The following VAV2 variants were observed in gnomAD, a reference collection of about 807,000 sequenced individuals.
VAV2 encodes vav guanine nucleotide exchange factor 2, also known as guanine nucleotide exchange factor VAV2.
A neutral mutation model predicts 132.5 loss-of-function variants in VAV2; 67 were observed. The ratio of observed to expected loss-of-function variants is 0.51; its 90% CI spans 0.42 to 0.62. The LOEUF is 0.62. Among genes scored for constraint, VAV2 ranks in the 20% least tolerant of loss-of-function variants. VAV2 has a pLI of 0.00. For synonymous variants in VAV2, 492 were observed against 443.5 expected, an observed-to-expected ratio of 1.11 and a Z score of -1.37; for missense variants, 938 against 1,153.6, an observed-to-expected ratio of 0.81 and a Z score of 2.71.
intron 1 of VAV2, among the ~76,000 whole-genome samples, chr9:133,980,210 T>C (rs892859197): frequency 6.6e-6 from 1 of 152,018 alleles, no homozygotes; most frequent in Admixed American, 6.6e-5. Context: ...ATTTTGCCGG[T>C]GGAGGGGGGA....
At chr9:133,960,919 G>A (rs1037236857) in intron 1 of VAV2, among the ~76,000 whole-genome samples, 8 of 152,216 alleles carry the variant, frequency 5.3e-5, no homozygotes, top group African/African-American at 9.6e-5. Context: ...AAGGGTGCTC[G>A]AGCCGGCCTT....
intron 2 of VAV2, among the ~76,000 whole-genome samples, chr9:133,873,048 G>A (rs542782888): frequency 1.3e-3 from 195 of 147,624 alleles, no homozygotes; most frequent in Non-Finnish European, 2.1e-3. Context: ...AGGAGGCGGA[G>A]GTTGCAGTGA....
At position 133,831,885 on chromosome 9, in the gene VAV2, G is replaced by A. The variant is rs189634572; in HGVS notation, c.449+2387C>T. Reference sequence around the variant, plus strand: ...CTGCCACTTACTAGCTGGGTGACATGGGCCAGTGGTGTCCCCTCTCTGGAC... The same window carrying A: ...CTGCCACTTACTAGCTGGGTGACATAGGCCAGTGGTGTCCCCTCTCTGGAC... On this transcript the variant is annotated intron_variant, in intron 4 of 29. Transcript: ENST00000371850. Among the ~76,000 whole-genome samples the A allele has an allele frequency of 3.9e-5, 6 of 152,318 alleles. No homozygotes were observed. The East Asian group carries it at 1.2e-3, about 29-fold the overall frequency.
Position 133,912,906 on chromosome 9 carries a change from G to T in VAV2, c.321+26197C>A, listed in dbSNP as rs759087254. ...CAGAATCAGGGCTCCTGATCCTGGT[G>T]ACTTTAAGGAGGAAAATCCAACTTC... is the stretch of plus-strand genomic sequence containing the variant. On this transcript the variant is annotated intron_variant, in intron 2 of 29. Transcript: ENST00000371850. The surrounding 1 kb of genome is among the most constrained non-coding windows in gnomAD (Gnocchi z 4.3). 2.0e-5 allele frequency among the ~76,000 whole-genome samples: 3 copies of T among 152,198 alleles called. No individual in the cohort carries two copies. The highest frequency in any genetic ancestry group is 4.4e-5 in the Non-Finnish European group (3 of 68,044).
rs527636231 is a variant in VAV2, at chr9:133,939,813, A to T, written c.205-594T>A. 2.6e-5 allele frequency among the ~76,000 whole-genome samples: 4 copies of T among 152,378 alleles called. No homozygotes were observed. The South Asian group carries it at 6.2e-4, about 24-fold the overall frequency. ...CAACAGCCAGGGGCCACCCCCAAGA[A>T]GCCACGGAGGACCCAGAGAGTGGCA... On this transcript the variant is annotated intron_variant, in intron 1 of 29. Coordinates refer to ENST00000371850, the MANE Select transcript of VAV2 (RefSeq NM_001134398.2).
intron 3 of VAV2, among the ~76,000 whole-genome samples, chr9:133,838,858 G>T: frequency 7.6e-6 from 1 of 132,170 alleles, no homozygotes; most frequent in South Asian, 2.8e-4. Context: ...TGAATGGGTG[G>T]GTGGGTGGGT....
At chr9:133,921,354 C>A (rs1840290813) in intron 2 of VAV2, among the ~76,000 whole-genome samples, 1 of 152,238 alleles carries the variant, frequency 6.6e-6, no homozygotes, top group African/African-American at 2.4e-5. Flanking sequence ...TGAACGTCCA[C>A]AGGCCAGGTA....
intron 2 of VAV2, among the ~76,000 whole-genome samples, chr9:133,904,501 C>T (rs376051326): frequency 1.3e-3 from 201 of 152,360 alleles, no homozygotes; most frequent in South Asian, 5.6e-3. Context: ...AGGCTCAGGA[C>T]GGCAAATGCA....
intron 29 of VAV2, among the ~76,000 whole-genome samples, chr9:133,764,631 A>C (rs988225366): frequency 5.3e-5 from 8 of 152,238 alleles, no homozygotes; most frequent in Non-Finnish European, 1.5e-5. Flanking sequence ...TGAAATGAAG[A>C]ATCCAATAGA....
chr9:133,881,938 T>C (rs1564432393), intron 2 of VAV2, among the ~76,000 whole-genome samples: 1 of 152,162 alleles, frequency 6.6e-6, no homozygotes, highest in Non-Finnish European at 1.5e-5. Context: ...GATCCCAGCA[T>C]GACGCCTCCT....
In VAV2 at chr9:133,784,459, T is replaced by C. The variant is rs937190517; in HGVS notation, c.1533-41A>G. ...GAGAGCAGATGCTACACCCACTGGA[T>C]TCCCCGAGCCCCACCATGTGGCCAT... On this transcript the variant is annotated intron_variant, in intron 17 of 29. Transcript: ENST00000371850. 4.4e-6 allele frequency: 7 copies of C among 1,608,064 alleles called. No homozygotes were observed. The African/African-American group carries it at 6.7e-5, about 15-fold the overall frequency.
Position 133,955,860 on chromosome 9 carries a change from G to A in VAV2, c.205-16641C>T, listed in dbSNP as rs929208157. Among the ~76,000 whole-genome samples the A allele has an allele frequency of 9.5e-5, 13 of 137,212 alleles. 1 individual carries two copies. The highest frequency in any genetic ancestry group is 5.1e-4 in the South Asian group (2 of 3,930). The allele number at this position is 137,212 out of a possible 152,430, so 90.0% of individuals were successfully genotyped here. A position where few individuals can be genotyped will look rare whatever the true frequency, so the allele number is the denominator to read the frequency against. ...TCTGGCCTCCCCCAGCCCGAGGGGA[G>A]CCCTCTAAACCCTCCAGCTCAGGCT... On this transcript the variant is annotated intron_variant, in intron 1 of 29. Coordinates refer to ENST00000371850, the MANE Select transcript of VAV2 (RefSeq NM_001134398.2).
chr9:133,975,395 G>C (rs1482557952), intron 1 of VAV2, among the ~76,000 whole-genome samples: 2 of 152,156 alleles, frequency 1.3e-5, no homozygotes, highest in Admixed American at 1.3e-4. Flanking sequence ...CTTGGGGTCT[G>C]TTTCTGGGGG....
At chr9:133,795,843 A>G (rs1301296820) in intron 11 of VAV2, 107 bp from the exon 12 acceptor site, 19 of 1,244,714 alleles carry the variant, frequency 1.5e-5, no homozygotes, top group Non-Finnish European at 2.1e-5. Context: ...CCTCAGAAGA[A>G]AGCCACCCCC....
At chr9:133,776,219 G>C in intron 23 of VAV2, 139 bp from the exon 24 acceptor site, 2 of 1,227,210 alleles carry the variant, frequency 1.6e-6, no homozygotes, top group Non-Finnish European at 2.2e-6. Context: ...TAGCCCCAGC[G>C]CCCCTGGCCT....
At chr9:133,880,646 A>G (rs1838454352) in intron 2 of VAV2, among the ~76,000 whole-genome samples, 1 of 152,204 alleles carries the variant, frequency 6.6e-6, no homozygotes, top group South Asian at 2.1e-4. Context: ...GGGGAAACTG[A>G]GGAAGCCAGA....
At chr9:133,916,137 G>A (rs10993855) in intron 2 of VAV2, among the ~76,000 whole-genome samples, 4,766 of 152,316 alleles carry the variant, frequency 0.031, 197 homozygotes, top group African/African-American at 0.092. Context: ...CACAGGCCAC[G>A]GCTGCTCCCC....
chr9:133,822,508 G>A (rs1005791068), intron 4 of VAV2, among the ~76,000 whole-genome samples: 8 of 152,198 alleles, frequency 5.3e-5, no homozygotes, highest in South Asian at 2.1e-4. Context: ...GACAAGAACC[G>A]CTTTACACAT....
At chr9:133,946,388 G>T (rs759535573) in intron 1 of VAV2, among the ~76,000 whole-genome samples, 1 of 152,224 alleles carries the variant, frequency 6.6e-6, no homozygotes, top group African/African-American at 2.4e-5. Context: ...AGCCCTGAAA[G>T]CAACAGGGCA....
Sources: gnomAD v4.1 joint callset for allele counts (sites outside exome capture counted in the v4.1 genomes callset) on GRCh38, gnomAD v4.1.1 for gene constraint, Gnocchi (gnomAD v3.1) non-coding constraint, MANE v1.5 for transcripts, NCBI Gene and HGNC (gene_info 2026-07-23, HGNC 2026-07-21) for gene names.